ADAM9: variants seen among roughly 807,000 people sequenced by gnomAD.
ADAM9 encodes the protein disintegrin and metalloproteinase domain-containing protein 9.
A neutral mutation model predicts 108.1 loss-of-function variants in ADAM9; 54 were observed. That is an observed-to-expected ratio of 0.50 (90% confidence interval 0.40 to 0.63). ADAM9 has a LOEUF of 0.63. ADAM9 is among the 20% of genes least tolerant of loss of function. The pLI is 0.00. For synonymous variants in ADAM9, 316 were observed against 336.0 expected (o/e 0.94, Z 0.65); for missense variants, 830 against 997.7 (o/e 0.83, Z 2.26).
intron 18 of ADAM9, among the ~76,000 whole-genome samples, chr8:39,084,741 T>A (rs1294417728): frequency 6.6e-6 from 1 of 152,102 alleles, no homozygotes; most frequent in African/African-American, 2.4e-5. Context: ...ATCTTTCATA[T>A]CCTTACTGAT....
intron 20 of ADAM9, among the ~76,000 whole-genome samples, chr8:39,099,454 A>G (rs956741484): frequency 1.3e-5 from 2 of 152,106 alleles, no homozygotes; most frequent in Non-Finnish European, 2.9e-5. Flanking sequence ...TCCTCTGGAC[A>G]TTTGGTCCAC....
intron 14 of ADAM9, among the ~76,000 whole-genome samples, chr8:39,069,260 C>T (rs113516598): frequency 6.6e-6 from 1 of 151,388 alleles, no homozygotes; most frequent in Non-Finnish European, 1.5e-5. Context: ...AAAAAAAAAA[C>T]TACTTTCTGT....
chr8:39,026,622 C>T (rs1432714811), intron 10 of ADAM9, 55 bp from the exon 11 acceptor site: 2 of 1,612,196 alleles, frequency 1.2e-6, no homozygotes, highest in Non-Finnish European at 1.7e-6. Flanking sequence ...ATCTGAGCAG[C>T]AAAACATTTT....
chr8:39,053,015 A>G (rs1346885770), intron 12 of ADAM9, among the ~76,000 whole-genome samples: 1 of 151,966 alleles, frequency 6.6e-6, no homozygotes, highest in Non-Finnish European at 1.5e-5. Context: ...AGTGTTTTTA[A>G]TTTTAGCCAT....
At chr8:39,029,984 G>C (rs753324930) in intron 11 of ADAM9, among the ~76,000 whole-genome samples, 2 of 152,040 alleles carry the variant, frequency 1.3e-5, no homozygotes, top group Non-Finnish European at 2.9e-5. Flanking sequence ...TAATCAAGAG[G>C]AAAGTAGAAA....
At chr8:39,050,830 G>GTTTTTTTTTTTTT (rs58115667) in intron 12 of ADAM9, among the ~76,000 whole-genome samples, 8 of 85,190 alleles carry the variant, frequency 9.4e-5, no homozygotes, top group African/African-American at 9.7e-5. Context: ...GCTTGGAAGT[G>GTTTTTTTTTTTTT]TTTTTTTTTT....
chr8:39,045,737 G>A (rs1837749173), intron 12 of ADAM9, among the ~76,000 whole-genome samples: 2 of 152,030 alleles, frequency 1.3e-5, no homozygotes. Flanking sequence ...ACCCAGTAGT[G>A]GAATTGCTGG....
At chr8:39,090,959 T>G (rs1839335256) in intron 19 of ADAM9, among the ~76,000 whole-genome samples, 1 of 152,218 alleles carries the variant, frequency 6.6e-6, no homozygotes, top group Non-Finnish European at 1.5e-5. Flanking sequence ...TTTACTCTTC[T>G]CTGATTTTAG....
In ADAM9 at chr8:39,090,081, C is replaced by T; in HGVS notation, c.2103C>T (p.Val701=). The T allele has an allele frequency of 6.2e-7, 1 of 1,613,852 alleles. No individual in the cohort carries two copies. The highest frequency in any genetic ancestry group is 1.1e-5 in the South Asian group (1 of 91,068). The change falls in exon 19 of 22, where the codon GTC becomes GTT. Residue 701 remains valine (V), a synonymous_variant. Coordinates refer to ENST00000487273, the MANE Select transcript of ADAM9 (RefSeq NM_003816.3). ...CTGCATTGAGGGACGGACTTCTGGT[C>T]TTCTTCTTCCTAATTGTTCCCCTTA... ...MNTALRDGLL[V]FFFLIVPLIV...
intron 14 of ADAM9, among the ~76,000 whole-genome samples, chr8:39,068,331 G>T (rs1315396390): frequency 4.0e-5 from 6 of 151,896 alleles, no homozygotes; most frequent in Non-Finnish European, 7.4e-5. Context: ...TCTTGGGCTT[G>T]TTAAGATTCC....
At chr8:39,008,612 TATA>T (rs1377692206) in intron 2 of ADAM9, among the ~76,000 whole-genome samples, 3 of 152,228 alleles carry the variant, frequency 2.0e-5, no homozygotes, top group Non-Finnish European at 2.9e-5. Flanking sequence ...GTGATTTTAT[TATA>T]ATAAGAATTA....
At chr8:39,017,076 C>T in intron 5 of ADAM9, 143 bp from the exon 6 acceptor site, 2 of 881,660 alleles carry the variant, frequency 2.3e-6, no homozygotes, top group South Asian at 3.2e-5. Context: ...CCCTATCTGT[C>T]TGATTCTAAA....
chr8:39,052,937 T>C lies in ADAM9; in HGVS notation c.1303-1544T>C, dbSNP rs189806969. On this transcript the variant is annotated intron_variant, in intron 12 of 21. Coordinates refer to ENST00000487273, the MANE Select transcript of ADAM9 (RefSeq NM_003816.3). The stretch of plus-strand genomic sequence containing the variant: ...TGTTTTCTAAAGTGATTGTTCCATT[T>C]TTCATTTCCATCCTTAGTGTATGGG... Among the ~76,000 whole-genome samples, 64 of 152,342 alleles carry C rather than the reference T, an allele frequency of 4.2e-4. 1 individual carries two copies. Among genetic ancestry groups the C allele is most frequent in the African/African-American group, 1.4e-3 (60 of 41,584 alleles).
chr8:39,020,793 C>T (rs1247525133), intron 7 of ADAM9, among the ~76,000 whole-genome samples: 1 of 151,980 alleles, frequency 6.6e-6, no homozygotes, highest in Non-Finnish European at 1.5e-5. Context: ...AATCTTCTTC[C>T]ACTATGTGGC....
At chr8:39,057,137 GCA>G (rs1838149651) in intron 14 of ADAM9, among the ~76,000 whole-genome samples, 1 of 152,064 alleles carries the variant, frequency 6.6e-6, no homozygotes, top group Admixed American at 6.6e-5. Flanking sequence ...TAGCTTAGGA[GCA>G]ATAGGCTGTA....
intron 11 of ADAM9, among the ~76,000 whole-genome samples, chr8:39,034,599 T>A (rs1278996603): frequency 6.6e-6 from 1 of 152,166 alleles, no homozygotes; most frequent in Non-Finnish European, 1.5e-5. Context: ...TTTTTGTTTT[T>A]CTCCTGAGGG....
chr8:39,042,624 C>G (rs913207701), intron 12 of ADAM9, among the ~76,000 whole-genome samples: 2 of 151,782 alleles, frequency 1.3e-5, no homozygotes, highest in East Asian at 3.9e-4. Flanking sequence ...CGTTTATTTC[C>G]CCCATAAATC....
At chr8:39,001,603 T>C (rs1178950294) in intron 1 of ADAM9, among the ~76,000 whole-genome samples, 1 of 151,438 alleles carries the variant, frequency 6.6e-6, no homozygotes, top group Admixed American at 6.6e-5. Context: ...TTAAGAAAAG[T>C]GTAACACTAA....
chr8:39,014,664 T>C (rs941986822), intron 4 of ADAM9: 2 of 678,318 alleles, frequency 2.9e-6, no homozygotes, highest in Non-Finnish European at 2.7e-6. Context: ...TTAGGTATTA[T>C]ACCTTTTTTT....
Sources: allele counts gnomAD v4.1 joint callset (sites outside exome capture counted in the v4.1 genomes callset), GRCh38; gene constraint gnomAD v4.1.1; transcripts MANE v1.5; gene names NCBI Gene and HGNC (gene_info 2026-07-23, HGNC 2026-07-21).